Variants in RNF217 observed in about 807,000 individuals in gnomAD.
RNF217 encodes the protein ring finger protein 217.
In RNF217, 31 loss-of-function variants were observed where a neutral mutation model predicts 57.8. The ratio of observed to expected loss-of-function variants is 0.54; its 90% CI spans 0.40 to 0.72. The LOEUF is 0.72. Among genes scored for constraint, RNF217 ranks in the 30% least tolerant of loss-of-function variants. The pLI is 0.00. For missense variants in RNF217, 696 were observed against 708.3 expected, an observed-to-expected ratio of 0.98 and a Z score of 0.20; for synonymous variants, 313 against 294.0, an observed-to-expected ratio of 1.06 and a Z score of -0.66.
chr6:124,986,318 A>G (rs1294193940), intron 1 of RNF217, among the ~76,000 whole-genome samples: 1 of 152,160 alleles, frequency 6.6e-6, no homozygotes, highest in Non-Finnish European at 1.5e-5. Context: ...TTTTCCTCCC[A>G]CATCAAGAAA....
rs1788816574 is a variant in RNF217, at chr6:125,087,886, A to G, written c.*4949A>G. On this transcript the variant is annotated 3_prime_UTR_variant, in exon 6 of 6. Transcript: ENST00000521654. The stretch of plus-strand genomic sequence containing the variant: ...GAATTCTATAAAAGAAATCTCCCTC[A>G]CTAAAAATATGATCAATCAAAACTA... 6.6e-6 allele frequency: 1 copy of G among 152,084 alleles called. No homozygotes were observed. The highest frequency in any genetic ancestry group is 1.5e-5 in the Non-Finnish European group (1 of 67,986). 9.4% of individuals were successfully genotyped at this position (152,084 alleles called of 1,614,324 possible).
intron 1 of RNF217, among the ~76,000 whole-genome samples, chr6:125,025,779 A>G (rs1054172239): frequency 2.7e-4 from 40 of 149,466 alleles, no homozygotes; most frequent in African/African-American, 7.5e-4. Flanking sequence ...GAGGGAGGGA[A>G]GGAAGGAAGG....
At chr6:124,982,010 G>A (rs1425487821) in intron 1 of RNF217, among the ~76,000 whole-genome samples, 1 of 131,112 alleles carries the variant, frequency 7.6e-6, no homozygotes, top group Non-Finnish European at 1.6e-5. Context: ...CCTGGCAACA[G>A]AGCGAGACTC....
chr6:125,084,983 G>A lies in RNF217; in HGVS notation c.*2046G>A, dbSNP rs1232945734. On this transcript the variant is annotated 3_prime_UTR_variant, in exon 6 of 6. Coordinates refer to ENST00000521654, the MANE Select transcript of RNF217 (RefSeq NM_001286398.3). ...TAGTTTGGCAATATGTGAATATGAT[G>A]AACTCTAAACCTAGCTGATCTGTAT... 1 of 151,798 alleles carries A rather than the reference G, an allele frequency of 6.6e-6. No homozygotes were observed. Among genetic ancestry groups the A allele is most frequent in the Non-Finnish European group, 1.5e-5 (1 of 67,834 alleles). 9.4% of individuals were successfully genotyped at this position (151,798 alleles called of 1,614,324 possible).
At chr6:124,999,369 C>T (rs1380842496) in intron 1 of RNF217, among the ~76,000 whole-genome samples, 1 of 152,184 alleles carries the variant, frequency 6.6e-6, no homozygotes, top group Non-Finnish European at 1.5e-5. Flanking sequence ...TCACTGCATG[C>T]TTTCTGTCTT....
intron 1 of RNF217, among the ~76,000 whole-genome samples, chr6:125,022,943 C>T (rs1274246396): frequency 6.6e-6 from 1 of 152,110 alleles, no homozygotes; most frequent in Non-Finnish European, 1.5e-5. Flanking sequence ...ACAATTATTT[C>T]TTAAGCACCT....
chr6:125,050,993 C>A lies in RNF217; in HGVS notation c.1116+5549C>A, dbSNP rs531203484. On this transcript the variant is annotated intron_variant, in intron 2 of 5. Transcript: ENST00000521654. ...ATTACCCTTGAAAAAACATATAACA[C>A]TCAGCTATGATGCAAGCCTACTAAA... Among the ~76,000 whole-genome samples the A allele has an allele frequency of 2.0e-5, 3 of 152,024 alleles. No homozygotes were observed. The South Asian group carries it at 6.2e-4, about 32-fold the overall frequency.
chr6:124,985,618 T>A (rs1339307427), intron 1 of RNF217, among the ~76,000 whole-genome samples: 1 of 152,044 alleles, frequency 6.6e-6, no homozygotes, highest in Non-Finnish European at 1.5e-5. Context: ...GAAAAGAAGA[T>A]CAAGTTTCAG....
intron 1 of RNF217, among the ~76,000 whole-genome samples, chr6:124,987,373 C>A (rs1784400955): frequency 1.3e-5 from 2 of 152,238 alleles, no homozygotes; most frequent in South Asian, 2.1e-4. Flanking sequence ...ATTCATCATT[C>A]CCTGCCCTCA....
intron 3 of RNF217, among the ~76,000 whole-genome samples, chr6:125,066,350 G>C (rs533562748): frequency 6.6e-6 from 1 of 152,128 alleles, no homozygotes; most frequent in South Asian, 2.1e-4. Flanking sequence ...CATAGAACCC[G>C]TCGCCCTCTG....
intron 2 of RNF217, among the ~76,000 whole-genome samples, chr6:125,050,653 T>C (rs1787278118): frequency 6.6e-6 from 1 of 151,882 alleles, no homozygotes; most frequent in Non-Finnish European, 1.5e-5. Flanking sequence ...CTGTTTCCCA[T>C]ATATAAGAAT....
chr6:125,076,890 C>A (rs750882032), intron 4 of RNF217, 32 bp downstream of exon 4: 15 of 1,574,550 alleles, frequency 9.5e-6, no homozygotes, highest in Non-Finnish European at 1.3e-5. Flanking sequence ...GGGTGTCTTC[C>A]CTGGGAATTA....
intron 5 of RNF217, 90 bp downstream of exon 5, chr6:125,081,597 T>A: frequency 9.8e-7 from 1 of 1,021,398 alleles, no homozygotes; most frequent in Non-Finnish European, 1.5e-6. Context: ...AATCAGTTAT[T>A]AAGTGGACAT....
rs777641608 is a variant in RNF217, at chr6:125,045,280, G to A, written c.952G>A (p.Val318Ile). ...ECFEFLEETTVVYNLTHEDSI... is the reference protein window; with the variant it reads ...ECFEFLEETTIVYNLTHEDSI... Reference sequence around the variant, plus strand: ...TTTTGAATTCTTGGAAGAAACAACTGTTGTCTATAACTTAACGCATGAAGA... The same window carrying A: ...TTTTGAATTCTTGGAAGAAACAACTATTGTCTATAACTTAACGCATGAAGA... The change falls in exon 2 of 6, where the codon GTT becomes ATT. Residue 318 changes from valine to isoleucine, a missense_variant. Val to Ile is a conservative substitution (Grantham distance 29). Around this residue, in one of 2 missense-constraint regions of RNF217, gnomAD observed 231 missense variants for 321.4 expected, o/e 0.72. Coordinates refer to ENST00000521654, the MANE Select transcript of RNF217 (RefSeq NM_001286398.3). 14 of 1,613,192 alleles carry A rather than the reference G, an allele frequency of 8.7e-6. No homozygotes were observed. The highest frequency in any genetic ancestry group is 1.2e-5 in the Non-Finnish European group (14 of 1,179,590).
rs182541828 is a variant in RNF217, at chr6:124,964,386, C to G, written c.882+960C>G. ...AGTATCTTATATTATCTTACATGCA[C>G]TGAAGTTGTTTCTTTCGTGTCTGCT... is the stretch of plus-strand genomic sequence containing the variant. On this transcript the variant is annotated intron_variant, in intron 1 of 5. Transcript: ENST00000521654. 1.9e-3 allele frequency among the ~76,000 whole-genome samples: 288 copies of G among 152,258 alleles called. 2 individuals are homozygous for G. The highest frequency in any genetic ancestry group is 6.8e-3 in the Middle Eastern group (2 of 294).
chr6:125,009,346 A>G (rs540332053), intron 1 of RNF217: 9 of 1,078,600 alleles, frequency 8.3e-6, no homozygotes, highest in Admixed American at 3.5e-5. Flanking sequence ...AATCTCTTCA[A>G]AACACCTCCT....
chr6:124,963,671 A>G (rs556505685), intron 1 of RNF217, among the ~76,000 whole-genome samples: 7 of 152,344 alleles, frequency 4.6e-5, no homozygotes, highest in African/African-American at 1.7e-4. Context: ...CACAAGATAC[A>G]AGTTGTTGCC....
intron 3 of RNF217, among the ~76,000 whole-genome samples, chr6:125,062,385 G>A (rs1787768805): frequency 6.6e-6 from 1 of 151,944 alleles, no homozygotes; most frequent in South Asian, 2.1e-4. Context: ...TAATCAGGAT[G>A]AACATTAAAA....
intron 3 of RNF217, among the ~76,000 whole-genome samples, chr6:125,062,670 G>A (rs887976594): frequency 7.9e-5 from 12 of 151,922 alleles, no homozygotes; most frequent in Admixed American, 6.6e-4. Context: ...TTCGTCTCCC[G>A]GGCTCAAGAG....
Sources: allele counts gnomAD v4.1 joint callset (sites outside exome capture counted in the v4.1 genomes callset), GRCh38; gene constraint gnomAD v4.1.1; regional missense constraint gnomAD v4.1.1; transcripts MANE v1.5; gene names NCBI Gene and HGNC (gene_info 2026-07-23, HGNC 2026-07-21).